The following CLYBL variants were observed in gnomAD, a reference collection of about 807,000 sequenced individuals.
CLYBL encodes the protein citramalyl-CoA lyase, also known as citramalyl-CoA lyase, mitochondrial.
CLYBL carries 31 observed loss-of-function variants against 38.9 expected under a neutral mutation model. The ratio of observed to expected loss-of-function variants is 0.80; its 90% CI spans 0.60 to 1.08. The LOEUF is 1.08. Ranked by LOEUF, CLYBL falls within the 50% of genes least tolerant of loss-of-function variation. CLYBL has a pLI of 0.00. For synonymous variants in CLYBL, 171 were observed against 158.6 expected (o/e 1.08, Z -0.59); for missense variants, 434 against 411.6 (o/e 1.05, Z -0.47).
intron 1 of CLYBL, among the ~76,000 whole-genome samples, chr13:99,610,059 T>TG (rs2046602809): frequency 6.6e-6 from 1 of 152,208 alleles, no homozygotes; most frequent in South Asian, 2.1e-4. Context: ...CACACCACTA[T>TG]GCCCAGCTAA....
chr13:99,609,026 G>A (rs1399525870), intron 1 of CLYBL, among the ~76,000 whole-genome samples: 1 of 151,430 alleles, frequency 6.6e-6, no homozygotes, highest in Non-Finnish European at 1.5e-5. Flanking sequence ...TCTCAAAAAA[G>A]TCTACTCTCT....
intron 2 of CLYBL, among the ~76,000 whole-genome samples, chr13:99,784,370 C>T (rs949520914): frequency 6.6e-6 from 1 of 151,472 alleles, no homozygotes; most frequent in African/African-American, 2.4e-5. Context: ...ATTTGATTCC[C>T]CGTGTCCTTA....
intron 1 of CLYBL, among the ~76,000 whole-genome samples, chr13:99,767,054 C>T (rs1469548098): frequency 6.6e-6 from 1 of 152,220 alleles, no homozygotes; most frequent in East Asian, 1.9e-4. Flanking sequence ...GAGCAGGCCT[C>T]CTGCCAGGGA....
In CLYBL at chr13:99,672,700, G is replaced by A. The variant is rs144577732; in HGVS notation, c.62+65943G>A. On this transcript the variant is annotated intron_variant, in intron 1 of 8. Coordinates refer to ENST00000339105, the MANE Select transcript of CLYBL (RefSeq NM_206808.5). ...TGTGAGGATCACTTGAGCCCAGGAGGTTGAGGCTGTAGTGAGCTGTGATTG... is the reference window on the plus strand; with the variant it reads ...TGTGAGGATCACTTGAGCCCAGGAGATTGAGGCTGTAGTGAGCTGTGATTG... Among the ~76,000 whole-genome samples, 804 of 152,088 alleles carry A rather than the reference G, an allele frequency of 5.3e-3. 7 individuals are homozygous for A. The highest frequency in any genetic ancestry group is 0.018 in the African/African-American group (763 of 41,452).
At position 99,849,679 on chromosome 13, in the gene CLYBL, C is replaced by T. The variant is rs989705231; in HGVS notation, c.250-9182C>T. The stretch of plus-strand genomic sequence containing the variant: ...CCATAAGGATGCCTGTCAAGGTCTT[C>T]GCAGAAATACCAAAGGCCTGGCACA... On this transcript the variant is annotated intron_variant, in intron 2 of 8. Transcript: ENST00000339105. This position sits in a 1 kb window ranked among gnomAD's most constrained non-coding sequence, Gnocchi z 4.9. 2.0e-5 allele frequency among the ~76,000 whole-genome samples: 3 copies of T among 152,158 alleles called. No individual in the cohort carries two copies. Among genetic ancestry groups the T allele is most frequent in the South Asian group, 2.1e-4 (1 of 4,826 alleles).
downstream of CLYBL, among the ~76,000 whole-genome samples, chr13:99,901,521 G>A (rs371835095): frequency 7.9e-5 from 12 of 152,156 alleles, no homozygotes; most frequent in African/African-American, 2.9e-4. Flanking sequence ...CGAGTGCACA[G>A]ACAGATAATA....
chr13:99,898,080 A>G (rs761218481), downstream of CLYBL, among the ~76,000 whole-genome samples: 8 of 152,212 alleles, frequency 5.3e-5, no homozygotes, highest in Admixed American at 6.5e-5. Flanking sequence ...CTTACAAAAA[A>G]CAAGAGAGGC....
intron 1 of CLYBL, among the ~76,000 whole-genome samples, chr13:99,732,682 C>G (rs916430250): frequency 6.6e-6 from 1 of 152,064 alleles, no homozygotes; most frequent in African/African-American, 2.4e-5. Context: ...ATCTTGACAG[C>G]TTAAAAATTG....
chr13:99,696,445 G>C (rs2047980803), intron 1 of CLYBL, among the ~76,000 whole-genome samples: 1 of 152,010 alleles, frequency 6.6e-6, no homozygotes. Flanking sequence ...GCCCAGGCTG[G>C]TCTCAAACTC....
intron 2 of CLYBL, among the ~76,000 whole-genome samples, chr13:99,833,342 G>T (rs889741009): frequency 6.6e-6 from 1 of 151,646 alleles, no homozygotes; most frequent in African/African-American, 2.4e-5. Context: ...TGCCCGGCCA[G>T]TAGTTTATAT....
intron 1 of CLYBL, among the ~76,000 whole-genome samples, chr13:99,735,905 A>G (rs2048658258): frequency 6.6e-6 from 1 of 152,082 alleles, no homozygotes; most frequent in South Asian, 2.1e-4. Context: ...CATGCTTCTC[A>G]TCGATTTCAG....
chr13:99,612,212 G>C (rs2046636298), intron 1 of CLYBL, among the ~76,000 whole-genome samples: 1 of 151,504 alleles, frequency 6.6e-6, no homozygotes, highest in Non-Finnish European at 1.5e-5. Context: ...GAGTTATTTT[G>C]CTCTTTTTAA....
chr13:99,640,330 G>A (rs536052772), intron 1 of CLYBL, among the ~76,000 whole-genome samples: 5 of 152,248 alleles, frequency 3.3e-5, no homozygotes, highest in East Asian at 1.9e-4. Flanking sequence ...GTTCATTGTC[G>A]TAAAATATTA....
chr13:99,715,225 A>G (rs1594134953), intron 1 of CLYBL, among the ~76,000 whole-genome samples: 2 of 152,098 alleles, frequency 1.3e-5, no homozygotes, highest in South Asian at 4.1e-4. Context: ...TCATTATTCC[A>G]TACCTGGACT....
intron 2 of CLYBL, among the ~76,000 whole-genome samples, chr13:99,802,468 C>A (rs1566333217): frequency 1.3e-5 from 2 of 152,010 alleles, no homozygotes; most frequent in African/African-American, 4.8e-5. Context: ...GGGGTCCAGA[C>A]TCTAGTTGAA....
intron 2 of CLYBL, among the ~76,000 whole-genome samples, chr13:99,819,838 G>A (rs1405147269): frequency 6.6e-6 from 1 of 152,090 alleles, no homozygotes; most frequent in African/African-American, 2.4e-5. Flanking sequence ...GGTGAGGGCA[G>A]ATCTTTTTTA....
chr13:99,851,062 G>A (rs1443457234), intron 2 of CLYBL, among the ~76,000 whole-genome samples: 2 of 152,136 alleles, frequency 1.3e-5, no homozygotes, highest in Non-Finnish European at 2.9e-5. Context: ...TGGAGTTTCT[G>A]TTTGAGGTGA....
intron 1 of CLYBL, chr13:99,690,718 A>G (rs993109394): frequency 6.6e-6 from 1 of 152,218 alleles, no homozygotes; most frequent in Non-Finnish European, 1.5e-5. Context: ...TCAAACTTAC[A>G]TATGAAAATC....
chr13:99,874,234 T>A (rs973968349), intron 7 of CLYBL, among the ~76,000 whole-genome samples: 5 of 152,196 alleles, frequency 3.3e-5, no homozygotes, highest in African/African-American at 1.2e-4. Context: ...TTAGCTGACA[T>A]CAGCTGTAAG....
Sources: gnomAD v4.1 joint callset for allele counts (sites outside exome capture counted in the v4.1 genomes callset) on GRCh38, gnomAD v4.1.1 for gene constraint, Gnocchi (gnomAD v3.1) non-coding constraint, MANE v1.5 for transcripts, NCBI Gene and HGNC (gene_info 2026-07-23, HGNC 2026-07-21) for gene names.